The following ARID1B variants were observed in gnomAD, a reference collection of about 807,000 sequenced individuals.
ARID1B encodes AT-rich interaction domain 1B, also known as AT-rich interactive domain-containing protein 1B.
ARID1B carries 30 observed loss-of-function variants against 212.3 expected under a neutral mutation model. That is an observed-to-expected ratio of 0.14 (90% CI 0.11 to 0.19). The LOEUF (loss-of-function observed/expected upper bound fraction) is 0.19. ARID1B is among the 10% of genes least tolerant of loss of function. The probability of loss-of-function intolerance (pLI) is 1.00; values close to 1 mark genes in which losing one functional copy is unlikely to be tolerated. For missense variants in ARID1B, 2,891 were observed against 3,204.0 expected (o/e 0.90, Z 2.36); for synonymous variants, 1,402 against 1,301.7 (o/e 1.08, Z -1.66).
rs142956583 is a variant in ARID1B, at chr6:157,207,696, G to C, written c.6924G>C (p.Pro2308=). 1.9e-6 allele frequency: 3 copies of C among 1,608,672 alleles called. No homozygotes were observed. Among genetic ancestry groups the C allele is most frequent in the Non-Finnish European group, 2.6e-6 (3 of 1,175,540 alleles). ...SQHNLMHMQP[P]PLEPPSVDMM... Reference sequence around the variant, plus strand: ...ACAACCTCATGCACATGCAGCCCCCGCCCCTGGAACCACCTAGCGTAGACA... The same window carrying C: ...ACAACCTCATGCACATGCAGCCCCCCCCCCTGGAACCACCTAGCGTAGACA... Residue 2308 remains proline (P), a synonymous_variant, in exon 20 of 20, where the codon CCG becomes CCC. Coordinates refer to ENST00000636930, the MANE Select transcript of ARID1B (RefSeq NM_001374828.1). The surrounding 1 kb of genome is among the most constrained non-coding windows in gnomAD (Gnocchi z 8.5).
At position 156,901,563 on chromosome 6, in the gene ARID1B, TCCA is replaced by T. The variant is rs775401362; in HGVS notation, c.2136+42_2136+44del. On this transcript the variant is annotated intron_variant, in intron 3 of 19. Transcript: ENST00000636930. ...CACTGCCCCGCAGGGCCCTGTTTTC[TCCA>T]CCAAGGCAGACCCGGCTCTGAATCA... is the stretch of plus-strand genomic sequence containing the variant. 7 of 1,593,924 alleles carry T rather than the reference TCCA, an allele frequency of 4.4e-6. No individual in the cohort carries two copies. The East Asian group carries it at 1.6e-4, about 36-fold the overall frequency.
intron 4 of ARID1B, among the ~76,000 whole-genome samples, chr6:156,971,590 G>A (rs1405574958): frequency 6.6e-6 from 1 of 152,114 alleles, no homozygotes; most frequent in Non-Finnish European, 1.5e-5. Flanking sequence ...CAGGAATCTG[G>A]GCAGGCATAC....
chr6:157,161,441 A>AT (rs1562313960), intron 8 of ARID1B, among the ~76,000 whole-genome samples: 10 of 147,558 alleles, frequency 6.8e-5, no homozygotes, highest in African/African-American at 2.4e-4. Flanking sequence ...GTATATATAT[A>AT]TATATATATA....
chr6:157,052,710 A>G (rs1269520461), intron 4 of ARID1B, among the ~76,000 whole-genome samples: 1 of 152,168 alleles, frequency 6.6e-6, no homozygotes, highest in Non-Finnish European at 1.5e-5. Context: ...AGCACCTAAG[A>G]GCAGTTTTCG....
At chr6:157,060,613 G>A (rs1783275468) in intron 4 of ARID1B, among the ~76,000 whole-genome samples, 1 of 129,858 alleles carries the variant, frequency 7.7e-6, no homozygotes, top group African/African-American at 3.0e-5. Context: ...TTTAATATAT[G>A]TGAAGCAAAA....
chr6:157,145,012 C>T (rs909179262), intron 7 of ARID1B, among the ~76,000 whole-genome samples: 2 of 152,202 alleles, frequency 1.3e-5, no homozygotes, highest in Admixed American at 6.5e-5. Flanking sequence ...TGTGGCCCAG[C>T]GCACCCGAGG....
rs770905263 is a variant in ARID1B, at chr6:157,136,786, C to T, written c.2761+3579C>T. On this transcript the variant is annotated intron_variant, in intron 7 of 19. Transcript: ENST00000636930. ...CTGAGGCACAAGAATCGCTTGAACCCGGGACGTGGAGGCTGCAGTGAGCCG... is the reference window on the plus strand; with the variant it reads ...CTGAGGCACAAGAATCGCTTGAACCTGGGACGTGGAGGCTGCAGTGAGCCG... 5.3e-4 allele frequency among the ~76,000 whole-genome samples: 80 copies of T among 152,020 alleles called. 3 individuals carry two copies. Among genetic ancestry groups the T allele is most frequent in the African/African-American group, 2.4e-4 (10 of 41,380 alleles).
chr6:157,174,153 G>T, intron 10 of ARID1B, 36 bp downstream of exon 10: 1 of 1,588,188 alleles, frequency 6.3e-7, no homozygotes, highest in Non-Finnish European at 8.6e-7. Context: ...TGTGAGGTCT[G>T]CCTAGCAAAA....
intron 2 of ARID1B, among the ~76,000 whole-genome samples, chr6:156,845,077 C>T (rs909383468): frequency 2.0e-4 from 7 of 35,470 alleles, no homozygotes; most frequent in East Asian, 1.3e-3. Context: ...GCTCTGTCTC[C>T]GTAATTTAGG....
intron 1 of ARID1B, among the ~76,000 whole-genome samples, chr6:156,800,231 A>G (rs927570924): frequency 2.0e-5 from 3 of 152,232 alleles, no homozygotes; most frequent in Non-Finnish European, 4.4e-5. Flanking sequence ...CATTAAAAGT[A>G]TACTCTGAAA....
intron 4 of ARID1B, among the ~76,000 whole-genome samples, chr6:157,039,722 T>TTCCTTC (rs1781680647): frequency 1.3e-5 from 1 of 76,774 alleles, no homozygotes; most frequent in Non-Finnish European, 2.5e-5. Flanking sequence ...TTCCTTCCTT[T>TTCCTTC]CTTTCTTTCC....
At chr6:156,944,217 A>G (rs1792888690) in intron 4 of ARID1B, among the ~76,000 whole-genome samples, 1 of 152,224 alleles carries the variant, frequency 6.6e-6, no homozygotes, top group Non-Finnish European at 1.5e-5. Context: ...AAGTGCGGGT[A>G]CATTGAAATC....
In ARID1B at chr6:157,080,367, A is replaced by G. The variant is rs1002561931; in HGVS notation, c.2248-4295A>G. On this transcript the variant is annotated intron_variant, in intron 4 of 19. Transcript: ENST00000636930. ...AATTTATCCTTTGGTGAGCTAACTT[A>G]CGCTAAATTGAATACCATCAAAACC... Among the ~76,000 whole-genome samples, 3 of 152,370 alleles carry G rather than the reference A, an allele frequency of 2.0e-5. No individual in the cohort carries two copies. The East Asian group carries it at 5.8e-4, about 29-fold the overall frequency.
chr6:157,009,790 T>A (rs1326796505), intron 4 of ARID1B, among the ~76,000 whole-genome samples: 1 of 152,216 alleles, frequency 6.6e-6, no homozygotes, highest in African/African-American at 2.4e-5. Flanking sequence ...GGCACCTGTT[T>A]GTAGAGGTGG....
chr6:156,925,815 A>G (rs1791170186), intron 3 of ARID1B, among the ~76,000 whole-genome samples: 1 of 152,162 alleles, frequency 6.6e-6, no homozygotes, highest in Non-Finnish European at 1.5e-5. Context: ...ACAGATAATG[A>G]ACAGTACTCA....
chr6:157,128,541 G>A (rs1047104905), intron 6 of ARID1B, among the ~76,000 whole-genome samples: 4 of 152,200 alleles, frequency 2.6e-5, no homozygotes, highest in African/African-American at 9.7e-5. Flanking sequence ...ATGCAAGTCA[G>A]GTCATAACAC....
Position 157,208,263 on chromosome 6 carries a change from G to C in ARID1B, c.*372G>C. 4.1e-6 allele frequency: 1 copy of C among 241,096 alleles called. No individual in the cohort carries two copies. Among genetic ancestry groups the C allele is most frequent in the East Asian group, 6.0e-5 (1 of 16,724 alleles). The allele number at this position is 241,096 out of a possible 1,614,324, so 14.9% of individuals were successfully genotyped here. On this transcript the variant is annotated 3_prime_UTR_variant, in exon 20 of 20. Transcript: ENST00000636930. Reference sequence around the variant, plus strand: ...TTTAAAGAAAAAAGTTGTGGCAAAAGATGCTAAGATGCGAAAATTTCACCA... The same window carrying C: ...TTTAAAGAAAAAAGTTGTGGCAAAACATGCTAAGATGCGAAAATTTCACCA...
At chr6:157,084,138 C>G (rs1012835090) in intron 4 of ARID1B, among the ~76,000 whole-genome samples, 12 of 149,046 alleles carry the variant, frequency 8.1e-5, no homozygotes, top group African/African-American at 3.0e-4. Context: ...TCATCACCTC[C>G]CCCCCAAAAA....
chr6:157,198,696 G>A, intron 16 of ARID1B, 115 bp from the exon 17 acceptor site: 1 of 852,406 alleles, frequency 1.2e-6, no homozygotes. Context: ...GGGGTGCGCA[G>A]TAAAAGCCAC....
Sources: gnomAD v4.1 joint callset for allele counts (sites outside exome capture counted in the v4.1 genomes callset) on GRCh38, gnomAD v4.1.1 for gene constraint, Gnocchi (gnomAD v3.1) non-coding constraint, MANE v1.5 for transcripts, NCBI Gene and HGNC (gene_info 2026-07-23, HGNC 2026-07-21) for gene names.